Variants in TAFA5 observed in about 807,000 individuals in gnomAD.
TAFA5 encodes the protein chemokine-like protein TAFA-5.
TAFA5 carries 6 observed loss-of-function variants against 15.3 expected under a neutral mutation model. The ratio of observed to expected loss-of-function variants is 0.39; its 90% CI spans 0.21 to 0.77. The LOEUF is 0.77. Ranked by LOEUF, TAFA5 falls within the 30% of genes least tolerant of loss-of-function variation. The pLI is 0.41. For missense variants in TAFA5, 161 were observed against 193.1 expected (o/e 0.83, Z 0.98); for synonymous variants, 103 against 80.7 (o/e 1.28, Z -1.48).
At chr22:48,542,639 T>TGTGTGTGTGTG (rs1339163063) in intron 1 of TAFA5, among the ~76,000 whole-genome samples, 1,728 of 26,874 alleles carry the variant, frequency 0.064, 79 homozygotes, top group East Asian at 0.33. Flanking sequence ...GGGTGTGTGA[T>TGTGTGTGTGTG]GTGTGTGTGT....
chr22:48,689,203 A>G (rs938653801), intron 2 of TAFA5, among the ~76,000 whole-genome samples: 1 of 151,978 alleles, frequency 6.6e-6, no homozygotes, highest in African/African-American at 2.4e-5. Context: ...GTTTTCAAAA[A>G]CGCGTGGAAC....
chr22:48,689,721 T>C (rs1465402149), intron 2 of TAFA5, among the ~76,000 whole-genome samples: 1 of 152,126 alleles, frequency 6.6e-6, no homozygotes, highest in East Asian at 1.9e-4. Context: ...CCAGCTGTGC[T>C]TTCATGGGGC....
At chr22:48,665,580 G>A (rs961917662) in intron 2 of TAFA5, among the ~76,000 whole-genome samples, 7 of 152,162 alleles carry the variant, frequency 4.6e-5, no homozygotes, top group Non-Finnish European at 1.0e-4. Context: ...GGATCTCAAG[G>A]CACATTTTTT....
intron 1 of TAFA5, among the ~76,000 whole-genome samples, chr22:48,542,800 G>A (rs1922505801): frequency 6.8e-6 from 1 of 146,080 alleles, no homozygotes; most frequent in Non-Finnish European, 1.5e-5. Context: ...GTGGTGTACA[G>A]TGTGTGATGT....
chr22:48,544,884 G>A (rs752842514), intron 1 of TAFA5: 3 of 469,978 alleles, frequency 6.4e-6, no homozygotes, highest in Admixed American at 2.4e-5. Flanking sequence ...AGCCAGACTC[G>A]GGGCTGAAGT....
intron 1 of TAFA5, among the ~76,000 whole-genome samples, chr22:48,589,069 A>C (rs1924464933): frequency 6.6e-6 from 1 of 152,248 alleles, no homozygotes; most frequent in Non-Finnish European, 1.5e-5. Context: ...TTGCAGAACC[A>C]GAAAATCCAT....
At chr22:48,687,993 CATG>C (rs1569079488) in intron 2 of TAFA5, among the ~76,000 whole-genome samples, 1 of 133,906 alleles carries the variant, frequency 7.5e-6, no homozygotes, top group African/African-American at 2.8e-5. Flanking sequence ...GCCTGAGGAA[CATG>C]ATTAGAGGGT....
At chr22:48,675,049 C>T (rs1426639227) in intron 2 of TAFA5, among the ~76,000 whole-genome samples, 1 of 151,678 alleles carries the variant, frequency 6.6e-6, no homozygotes, top group Non-Finnish European at 1.5e-5. Context: ...TCAAGAGATT[C>T]TCCTGCCTTA....
At position 48,534,228 on chromosome 22, in the gene TAFA5, C is replaced by A. The variant is rs190345216; in HGVS notation, c.112+44524C>A. On this transcript the variant is annotated intron_variant, in intron 1 of 3. Coordinates refer to ENST00000402357, the MANE Select transcript of TAFA5 (RefSeq NM_001082967.3). ...GCAGGTGAAATGAATAAGTCAGGTGCGGTGGGTCAGGCAGGTGAAATGAGT... is the reference window on the plus strand; with the variant it reads ...GCAGGTGAAATGAATAAGTCAGGTGAGGTGGGTCAGGCAGGTGAAATGAGT... Among the ~76,000 whole-genome samples, 349 of 147,794 alleles carry A rather than the reference C, an allele frequency of 2.4e-3. 3 individuals carry two copies. Among genetic ancestry groups the A allele is most frequent in the African/African-American group, 8.1e-3 (323 of 39,944 alleles).
intron 1 of TAFA5, among the ~76,000 whole-genome samples, chr22:48,637,356 G>A (rs929140638): frequency 6.6e-6 from 1 of 152,160 alleles, no homozygotes; most frequent in African/African-American, 2.4e-5. Flanking sequence ...CAGGAAGCCT[G>A]GTGTGGCTGG....
chr22:48,546,007 G>A (rs757520820), intron 1 of TAFA5, among the ~76,000 whole-genome samples: 1 of 152,236 alleles, frequency 6.6e-6, no homozygotes, highest in Non-Finnish European at 1.5e-5. Flanking sequence ...GGAGGCTCTG[G>A]GTGGCCAGGC....
intron 1 of TAFA5, among the ~76,000 whole-genome samples, chr22:48,536,158 G>C (rs927545697): frequency 6.6e-6 from 1 of 152,234 alleles, no homozygotes; most frequent in African/African-American, 2.4e-5. Flanking sequence ...TGTAGGTGTG[G>C]GTCTCTGTCT....
chr22:48,749,578 A>G (rs987304511), intron 3 of TAFA5, among the ~76,000 whole-genome samples: 1 of 152,166 alleles, frequency 6.6e-6, no homozygotes, highest in African/African-American at 2.4e-5. Flanking sequence ...TGGGGTGGGA[A>G]GGCCTCTGGC....
At chr22:48,648,156 G>A (rs1370594868) in intron 2 of TAFA5, among the ~76,000 whole-genome samples, 1 of 152,200 alleles carries the variant, frequency 6.6e-6, no homozygotes, top group Non-Finnish European at 1.5e-5. Context: ...GCCTGGCGCA[G>A]TGCTCACTGG....
intron 3 of TAFA5, among the ~76,000 whole-genome samples, chr22:48,733,652 A>T (rs1929929132): frequency 6.6e-6 from 1 of 152,214 alleles, no homozygotes; most frequent in Admixed American, 6.5e-5. Context: ...GAGTATGAGT[A>T]TAGAAAGTTC....
chr22:48,726,361 C>T (rs772326123), intron 3 of TAFA5, among the ~76,000 whole-genome samples: 7 of 152,202 alleles, frequency 4.6e-5, no homozygotes, highest in Non-Finnish European at 1.0e-4. Flanking sequence ...AGGTGGGGGG[C>T]ACTTACATAC....
At chr22:48,652,083 G>A (rs192988098) in intron 2 of TAFA5, among the ~76,000 whole-genome samples, 295 of 152,340 alleles carry the variant, frequency 1.9e-3, no homozygotes, top group Non-Finnish European at 3.2e-3. Flanking sequence ...AAAGCCTTTC[G>A]GTTCTGAGAG....
At chr22:48,537,112 C>A (rs747928589) in intron 1 of TAFA5, among the ~76,000 whole-genome samples, 1 of 152,072 alleles carries the variant, frequency 6.6e-6, no homozygotes, top group Non-Finnish European at 1.5e-5. Context: ...TGGGGAGGTC[C>A]CGCTGACTTG....
intron 2 of TAFA5, among the ~76,000 whole-genome samples, chr22:48,698,429 ATGG>A (rs1366859853): frequency 2.0e-5 from 3 of 150,838 alleles, no homozygotes; most frequent in Non-Finnish European, 3.0e-5. Flanking sequence ...GGTGGTTGTG[ATGG>A]TGGTGGTGGT....
Sources: gnomAD v4.1 joint callset for allele counts (sites outside exome capture counted in the v4.1 genomes callset) on GRCh38, gnomAD v4.1.1 for gene constraint, MANE v1.5 for transcripts, NCBI Gene and HGNC (gene_info 2026-07-23, HGNC 2026-07-21) for gene names.